The following LAMA2 variants were observed in gnomAD, a reference collection of about 807,000 sequenced individuals.
The protein encoded by LAMA2 is laminin subunit alpha 2, also known as laminin subunit alpha-2.
In LAMA2, 269 loss-of-function variants were observed where a neutral mutation model predicts 364.8. The observed-to-expected ratio is 0.74, with a 90% confidence interval of 0.67 to 0.82. LAMA2 has a LOEUF of 0.82. Among genes scored for constraint, LAMA2 ranks in the 40% least tolerant of loss-of-function variants. The pLI is 0.00. For missense variants in LAMA2, 3,807 were observed against 3,873.2 expected (o/e 0.98, Z 0.45); for synonymous variants, 1,379 against 1,370.6 (o/e 1.01, Z -0.14).
chr6:128,976,158 T>A (rs1214071715), intron 1 of LAMA2, among the ~76,000 whole-genome samples: 1 of 152,164 alleles, frequency 6.6e-6, no homozygotes, highest in Non-Finnish European at 1.5e-5. Context: ...TTTTTTGTAT[T>A]TTGACTCAGC....
At chr6:129,498,580 T>C (rs1488296194) in intron 58 of LAMA2, among the ~76,000 whole-genome samples, 1 of 152,230 alleles carries the variant, frequency 6.6e-6, no homozygotes, top group Non-Finnish European at 1.5e-5. Context: ...TTAAAGTCAG[T>C]GCTATAAAAA....
At chr6:129,036,527 T>G (rs1160001312) in intron 1 of LAMA2, among the ~76,000 whole-genome samples, 1 of 152,016 alleles carries the variant, frequency 6.6e-6, no homozygotes, top group Non-Finnish European at 1.5e-5. Flanking sequence ...TCTTTTTGGT[T>G]ACAATAAAAA....
At position 129,512,399 on chromosome 6, in the gene LAMA2, A is replaced by C. The variant is rs149835486; in HGVS notation, c.8894A>C (p.Glu2965Ala). ...GFKVGLDLLV[E>A]FEFRTTTTTG... Reference sequence around the variant, plus strand: ...AAAGTGGGATTGGACCTTCTTGTAGAATTTGAATTCCGCACAACTACAACG... The same window carrying C: ...AAAGTGGGATTGGACCTTCTTGTAGCATTTGAATTCCGCACAACTACAACG... Residue 2965 changes from glutamate (E) to alanine (A), a missense_variant, in exon 63 of 65, where the codon GAA (glutamate) becomes GCA (alanine). Around this residue, in one of 3 missense-constraint regions of LAMA2, gnomAD observed 3,333 missense variants for 3,345.7 expected, o/e 1.00. Coordinates refer to ENST00000421865, the MANE Select transcript of LAMA2 (RefSeq NM_000426.4). 1 of 1,613,740 alleles carries C rather than the reference A, an allele frequency of 6.2e-7. No individual in the cohort carries two copies. Among genetic ancestry groups the C allele is most frequent in the African/African-American group, 1.3e-5 (1 of 75,030 alleles).
At chr6:129,377,654 A>C (rs1191949138) in intron 34 of LAMA2, among the ~76,000 whole-genome samples, 2 of 152,220 alleles carry the variant, frequency 1.3e-5, no homozygotes, top group East Asian at 3.8e-4. Context: ...TCTGAAATCT[A>C]ATTTTAGCAG....
intron 29 of LAMA2, among the ~76,000 whole-genome samples, chr6:129,334,864 G>A (rs1304803245): frequency 6.6e-6 from 1 of 152,044 alleles, no homozygotes; most frequent in East Asian, 1.9e-4. Flanking sequence ...CCAGCCTCAT[G>A]ATGTAATCAC....
intron 27 of LAMA2, among the ~76,000 whole-genome samples, chr6:129,320,011 T>C (rs1376719886): frequency 6.6e-6 from 1 of 152,082 alleles, no homozygotes; most frequent in Admixed American, 6.5e-5. Flanking sequence ...TGCACACCTG[T>C]AATCCCAGCT....
intron 59 of LAMA2, 46 bp from the exon 60 acceptor site, chr6:129,503,045 A>AAATAATAGC: frequency 3.9e-6 from 6 of 1,531,416 alleles, no homozygotes; most frequent in Non-Finnish European, 5.4e-6. Flanking sequence ...TTAGCATGAG[A>AAATAATAGC]ATGCTGTTAT....
intron 1 of LAMA2, among the ~76,000 whole-genome samples, chr6:128,921,706 T>TTTATTTATTTA (rs769571310): frequency 0.021 from 3,143 of 148,900 alleles, 43 homozygotes; most frequent in Non-Finnish European, 0.028. Context: ...TGTTTTTTTT[T>TTTATTTATTTA]TTTTTTTATT....
At chr6:128,914,635 C>T (rs1490885335) in intron 1 of LAMA2, among the ~76,000 whole-genome samples, 1 of 152,028 alleles carries the variant, frequency 6.6e-6, no homozygotes, top group Non-Finnish European at 1.5e-5. Flanking sequence ...AGTTGTATCA[C>T]CTATAGATAA....
intron 10 of LAMA2, among the ~76,000 whole-genome samples, chr6:129,187,569 G>A (rs891576437): frequency 6.6e-6 from 1 of 150,582 alleles, no homozygotes; most frequent in African/African-American, 2.5e-5. Flanking sequence ...CTCTTAGGAT[G>A]GACTTTCTGA....
intron 1 of LAMA2, among the ~76,000 whole-genome samples, chr6:128,910,396 A>G (rs1457590151): frequency 6.6e-6 from 1 of 152,058 alleles, no homozygotes; most frequent in Non-Finnish European, 1.5e-5. Context: ...TTCGTCTTCC[A>G]TTGCTGATAC....
At chr6:129,479,176 C>G (rs958698504) in intron 54 of LAMA2, among the ~76,000 whole-genome samples, 2 of 151,970 alleles carry the variant, frequency 1.3e-5, no homozygotes, top group African/African-American at 4.8e-5. Context: ...TTATTAGCAA[C>G]CTTACATTTT....
chr6:129,472,446 AG>A (rs1783858122), intron 51 of LAMA2, among the ~76,000 whole-genome samples: 1 of 151,958 alleles, frequency 6.6e-6, no homozygotes. Flanking sequence ...ACCCCTAAGA[AG>A]GGGGCGGTAG....
intron 3 of LAMA2, among the ~76,000 whole-genome samples, chr6:129,075,771 C>A (rs1332791973): frequency 2.0e-5 from 3 of 152,002 alleles, no homozygotes; most frequent in Non-Finnish European, 4.4e-5. Context: ...AATTAAGGGT[C>A]TGTTTTAACG....
chr6:129,083,762 A>G (rs1774208539), intron 3 of LAMA2, among the ~76,000 whole-genome samples: 1 of 152,212 alleles, frequency 6.6e-6, no homozygotes, highest in Admixed American at 6.5e-5. Flanking sequence ...CATAAAAAGT[A>G]TAGCTTAGAT....
intron 1 of LAMA2, among the ~76,000 whole-genome samples, chr6:129,035,839 C>T (rs1786603884): frequency 2.0e-5 from 3 of 151,992 alleles, no homozygotes; most frequent in African/African-American, 7.2e-5. Context: ...GCCTTATGTG[C>T]CATTTTTATA....
rs1784204419 is a variant in LAMA2 at position 129,478,696 on chromosome 6, A to G, written c.7455A>G (p.Pro2485=). Residue 2485 remains proline, a synonymous_variant, in exon 54 of 65, where the codon CCA becomes CCG. Coordinates refer to ENST00000421865, the MANE Select transcript of LAMA2 (RefSeq NM_000426.4). ...TTTTCATTTGACTATTCAATAGGCC[A>G]GAAGTAAATCTGAAGAAATATTCCG... The part of the protein sequence containing the change: ...TLRNLSMKAR[P]EVNLKKYSGC... The G allele has an allele frequency of 5.6e-6, 9 of 1,613,560 alleles. No homozygotes were observed. The highest frequency in any genetic ancestry group is 7.6e-6 in the Non-Finnish European group (9 of 1,179,570).
intron 1 of LAMA2, among the ~76,000 whole-genome samples, chr6:128,994,192 T>C (rs1254689716): frequency 6.6e-6 from 1 of 152,186 alleles, no homozygotes; most frequent in Non-Finnish European, 1.5e-5. Flanking sequence ...GCAGAGAATG[T>C]CAAGGTCTTT....
chr6:129,403,861 G>A lies in LAMA2; in HGVS notation c.5767G>A (p.Ala1923Thr), dbSNP rs755144975. Reference protein sequence around the residue: ...EAKNISFNATAAFKAYSNIKD... With the variant: ...EAKNISFNATTAFKAYSNIKD... ...TAAAAACATCTCCTTCAATGCCACT[G>A]CAGCCTTCAAAGCTTACAGCAATAT... Residue 1923 changes from alanine to threonine, a missense_variant, in exon 40 of 65, where the codon GCA (alanine) becomes ACA (threonine). By Grantham distance (58) the Ala-to-Thr change is moderately conservative (BLOSUM62 0). Coordinates refer to ENST00000421865, the MANE Select transcript of LAMA2 (RefSeq NM_000426.4). The A allele has an allele frequency of 6.2e-7, 1 of 1,613,714 alleles. No individual in the cohort carries two copies. The highest frequency in any genetic ancestry group is 8.5e-7 in the Non-Finnish European group (1 of 1,179,740).
Sources: allele counts gnomAD v4.1 joint callset (sites outside exome capture counted in the v4.1 genomes callset), GRCh38; gene constraint gnomAD v4.1.1; regional missense constraint gnomAD v4.1.1; transcripts MANE v1.5; gene names NCBI Gene and HGNC (gene_info 2026-07-23, HGNC 2026-07-21).